The following MEOX2 variants were observed in gnomAD, a reference collection of about 807,000 sequenced individuals.
The protein encoded by MEOX2 is mesenchyme homeobox 2.
Under a neutral mutation model 27.0 loss-of-function variants are expected in MEOX2, and 11 were observed. That is an observed-to-expected ratio of 0.41 (90% CI 0.26 to 0.68). MEOX2 has a LOEUF of 0.68. Ranked by LOEUF, MEOX2 falls within the 30% of genes least tolerant of loss-of-function variation. MEOX2 has a pLI of 0.33. For missense variants in MEOX2, 436 were observed against 385.4 expected, an observed-to-expected ratio of 1.13 and a Z score of -1.10; for synonymous variants, 189 against 155.4, an observed-to-expected ratio of 1.22 and a Z score of -1.61.
chr7:15,616,215 A>G (rs1461078314), intron 2 of MEOX2, among the ~76,000 whole-genome samples: 1 of 151,824 alleles, frequency 6.6e-6, no homozygotes, highest in Admixed American at 6.6e-5. Flanking sequence ...AACCTAGATT[A>G]TATATTTGAT....
chr7:15,648,883 A>C (rs1781690609), intron 1 of MEOX2, among the ~76,000 whole-genome samples: 1 of 152,004 alleles, frequency 6.6e-6, no homozygotes, highest in Non-Finnish European at 1.5e-5. Context: ...TTCCTTTGGC[A>C]CCCACTTGCC....
chr7:15,654,246 T>C (rs1018393098), intron 1 of MEOX2, among the ~76,000 whole-genome samples: 4 of 151,946 alleles, frequency 2.6e-5, no homozygotes. Context: ...TTTTTGTATG[T>C]TTATCTTTAT....
intron 2 of MEOX2, among the ~76,000 whole-genome samples, chr7:15,613,665 A>G (rs573984898): frequency 1.3e-4 from 20 of 152,232 alleles, no homozygotes; most frequent in African/African-American, 4.3e-4. Flanking sequence ...TATTAAAACT[A>G]TACTCTTTAA....
chr7:15,656,777 C>T (rs1322971025), intron 1 of MEOX2, among the ~76,000 whole-genome samples: 4 of 151,892 alleles, frequency 2.6e-5, no homozygotes, highest in East Asian at 1.9e-4. Flanking sequence ...TAATTTTACC[C>T]TTGCCATTGT....
chr7:15,616,776 C>T (rs1781129810), intron 2 of MEOX2, among the ~76,000 whole-genome samples: 1 of 151,876 alleles, frequency 6.6e-6, no homozygotes, highest in Admixed American at 6.6e-5. Flanking sequence ...GACTTGGGAT[C>T]TCTATTCATT....
At chr7:15,632,352 G>C (rs1781417858) in intron 1 of MEOX2, among the ~76,000 whole-genome samples, 1 of 151,632 alleles carries the variant, frequency 6.6e-6, no homozygotes, top group Admixed American at 6.6e-5. Flanking sequence ...GTTTAGTGAA[G>C]ACCCTTATTT....
intron 1 of MEOX2, among the ~76,000 whole-genome samples, chr7:15,660,467 A>G (rs1781894541): frequency 6.6e-6 from 1 of 152,044 alleles, no homozygotes; most frequent in Non-Finnish European, 1.5e-5. Context: ...GACCTTCTGG[A>G]TGAGGTAATT....
chr7:15,630,549 T>A (rs1462139909), intron 1 of MEOX2, among the ~76,000 whole-genome samples: 1 of 152,076 alleles, frequency 6.6e-6, no homozygotes, highest in Non-Finnish European at 1.5e-5. Flanking sequence ...CAAAATGGAA[T>A]GGAATGTCTG....
intron 1 of MEOX2, among the ~76,000 whole-genome samples, chr7:15,657,578 C>G (rs1459138618): frequency 6.6e-6 from 1 of 152,096 alleles, no homozygotes; most frequent in Non-Finnish European, 1.5e-5. Flanking sequence ...TTTTTTGCTT[C>G]TTTGCTGAGA....
At chr7:15,647,845 A>G (rs1028259756) in intron 1 of MEOX2, among the ~76,000 whole-genome samples, 1 of 152,130 alleles carries the variant, frequency 6.6e-6, no homozygotes, top group Non-Finnish European at 1.5e-5. Context: ...TAGGATTACC[A>G]TGGAGGCATT....
chr7:15,628,578 A>G (rs1272676592), intron 1 of MEOX2, among the ~76,000 whole-genome samples: 1 of 152,112 alleles, frequency 6.6e-6, no homozygotes, highest in African/African-American at 2.4e-5. Context: ...TCCAGCACCA[A>G]AGTAGTTTGT....
At chr7:15,647,525 A>G (rs1781670415) in intron 1 of MEOX2, among the ~76,000 whole-genome samples, 1 of 152,060 alleles carries the variant, frequency 6.6e-6, no homozygotes, top group African/African-American at 2.4e-5. Context: ...TTTCTTAGCA[A>G]TCTTATGCAT....
intron 2 of MEOX2, among the ~76,000 whole-genome samples, chr7:15,613,612 G>A (rs1234207133): frequency 6.6e-6 from 1 of 151,920 alleles, no homozygotes. Context: ...TCACCTCCAA[G>A]TCTTTCTTAA....
chr7:15,614,023 A>G (rs1781078811), intron 2 of MEOX2, among the ~76,000 whole-genome samples: 1 of 149,170 alleles, frequency 6.7e-6, no homozygotes, highest in Admixed American at 6.8e-5. Flanking sequence ...AGAAACTCTT[A>G]ATATTAATTA....
chr7:15,624,430 G>C (rs1781265799), intron 2 of MEOX2, among the ~76,000 whole-genome samples: 1 of 152,158 alleles, frequency 6.6e-6, no homozygotes. Context: ...AAGCGATCTT[G>C]TCCTACACTG....
At chr7:15,621,480 A>G (rs1781222278) in intron 2 of MEOX2, among the ~76,000 whole-genome samples, 1 of 152,218 alleles carries the variant, frequency 6.6e-6, no homozygotes, top group East Asian at 1.9e-4. Flanking sequence ...ATGCAAATGT[A>G]AGAGTGTGAC....
At chr7:15,627,557 A>C (rs1781333012) in intron 1 of MEOX2, among the ~76,000 whole-genome samples, 1 of 152,062 alleles carries the variant, frequency 6.6e-6, no homozygotes. Context: ...CAGAGTTTTT[A>C]AATGTGTTTT....
At position 15,664,552 on chromosome 7, in the gene MEOX2, A is replaced by G. The variant is rs866947118; in HGVS notation, c.517+21334T>C. 8.5e-5 allele frequency among the ~76,000 whole-genome samples: 13 copies of G among 152,174 alleles called. No individual in the cohort carries two copies. In the South Asian group the frequency reaches 1.7e-3, roughly 19 times the overall value. On this transcript the variant is annotated intron_variant, in intron 1 of 2. Transcript: ENST00000262041. ...TCAAGCAAGACCCCACCTTTCTAGT[A>G]AAAGCTCCTATATAGGGATCAACTA...
At chr7:15,644,017 G>C (rs941969653) in intron 1 of MEOX2, among the ~76,000 whole-genome samples, 4 of 152,282 alleles carry the variant, frequency 2.6e-5, no homozygotes, top group African/African-American at 9.6e-5. Flanking sequence ...GTGGCTGGAA[G>C]GCAAGGCAAT....
Sources: allele counts gnomAD v4.1 joint callset (sites outside exome capture counted in the v4.1 genomes callset), GRCh38; gene constraint gnomAD v4.1.1; transcripts MANE v1.5; gene names NCBI Gene and HGNC (gene_info 2026-07-23, HGNC 2026-07-21).